The following PCLO variants were observed in gnomAD, a reference collection of about 807,000 sequenced individuals.
The protein encoded by PCLO is piccolo presynaptic cytomatrix protein, also known as protein piccolo.
Under a neutral mutation model 427.5 loss-of-function variants are expected in PCLO, and 82 were observed. The ratio of observed to expected loss-of-function variants is 0.19; its 90% CI spans 0.16 to 0.23. The LOEUF (loss-of-function observed/expected upper bound fraction) is 0.23, where lower values mean the gene tolerates loss of function less well. Among genes scored for constraint, PCLO ranks in the 10% least tolerant of loss-of-function variants. The probability of loss-of-function intolerance (pLI) is 1.00; values close to 1 mark genes in which losing one functional copy is unlikely to be tolerated. For missense variants in PCLO, 6,239 were observed against 6,115.9 expected (o/e 1.02, Z -0.67); for synonymous variants, 2,357 against 2,155.4 (o/e 1.09, Z -2.59).
intron 20 of PCLO, among the ~76,000 whole-genome samples, chr7:82,813,178 C>G (rs566384077): frequency 2.0e-5 from 3 of 151,578 alleles, no homozygotes; most frequent in Non-Finnish European, 4.4e-5. Context: ...TGGTCAATGG[C>G]CACGAAGTAA....
At chr7:82,910,705 T>C (rs926634884) in intron 7 of PCLO, among the ~76,000 whole-genome samples, 2 of 152,148 alleles carry the variant, frequency 1.3e-5, no homozygotes, top group African/African-American at 4.8e-5. Context: ...AAATATTAAT[T>C]TGTCCTTTGA....
intron 3 of PCLO, among the ~76,000 whole-genome samples, chr7:83,007,169 T>C (rs1787966951): frequency 6.6e-6 from 1 of 151,444 alleles, no homozygotes; most frequent in Non-Finnish European, 1.5e-5. Context: ...GTCTTCTCCT[T>C]AGAAACTTAA....
chr7:82,943,409 G>A (rs1224090556), intron 6 of PCLO, among the ~76,000 whole-genome samples: 2 of 152,018 alleles, frequency 1.3e-5, no homozygotes, highest in East Asian at 3.9e-4. Context: ...ACAAAAAGTA[G>A]TGTGTACTAT....
At chr7:83,124,253 C>T (rs1418210740) in intron 3 of PCLO, among the ~76,000 whole-genome samples, 5 of 150,792 alleles carry the variant, frequency 3.3e-5, no homozygotes, top group Non-Finnish European at 7.4e-5. Flanking sequence ...GAAGGCGGAG[C>T]TTGCAGTGAG....
intron 10 of PCLO, among the ~76,000 whole-genome samples, chr7:82,852,134 TACAGA>T (rs1483152205): frequency 6.6e-6 from 1 of 152,086 alleles, no homozygotes; most frequent in African/African-American, 2.4e-5. Context: ...CCTGCTTATT[TACAGA>T]ACAAGGAGAT....
chr7:82,816,142 T>C (rs1477987164), intron 20 of PCLO, among the ~76,000 whole-genome samples: 2 of 152,066 alleles, frequency 1.3e-5, no homozygotes, highest in African/African-American at 2.4e-5. Context: ...CCACGTTTCT[T>C]CCCCCAGATC....
chr7:83,104,456 C>T (rs1461954435), intron 3 of PCLO, among the ~76,000 whole-genome samples: 1 of 151,974 alleles, frequency 6.6e-6, no homozygotes, highest in Non-Finnish European at 1.5e-5. Context: ...CAGTAATACA[C>T]AAACTCCTTC....
intron 6 of PCLO, among the ~76,000 whole-genome samples, chr7:82,938,743 A>T (rs1795013213): frequency 6.6e-6 from 1 of 152,038 alleles, no homozygotes; most frequent in Non-Finnish European, 1.5e-5. Context: ...TAACTTTTAT[A>T]TGGTGCTGTT....
chr7:83,102,643 AATG>A (rs1169534867), intron 3 of PCLO, among the ~76,000 whole-genome samples: 1 of 151,986 alleles, frequency 6.6e-6, no homozygotes, highest in African/African-American at 2.4e-5. Flanking sequence ...TTTATATTAT[AATG>A]ATAATGTAAA....
At chr7:83,025,141 C>A (rs996762867) in intron 3 of PCLO, among the ~76,000 whole-genome samples, 1 of 151,920 alleles carries the variant, frequency 6.6e-6, no homozygotes, top group African/African-American at 2.4e-5. Flanking sequence ...AGGCTTCAGA[C>A]GATCAAATTA....
At chr7:83,028,072 C>T (rs1393349354) in intron 3 of PCLO, among the ~76,000 whole-genome samples, 2 of 150,774 alleles carry the variant, frequency 1.3e-5, no homozygotes, top group African/African-American at 2.4e-5. Flanking sequence ...TCTCTCACCA[C>T]TCCTATTCAA....
chr7:82,762,106 T>C (rs1790443484), intron 22 of PCLO, among the ~76,000 whole-genome samples: 1 of 152,112 alleles, frequency 6.6e-6, no homozygotes, highest in South Asian at 2.1e-4. Flanking sequence ...GCTTATTGGT[T>C]TCATGCTTTT....
chr7:83,125,078 T>C (rs1402245487), intron 3 of PCLO, among the ~76,000 whole-genome samples: 3 of 151,922 alleles, frequency 2.0e-5, no homozygotes, highest in Non-Finnish European at 2.9e-5. Context: ...CAGGCTGGAG[T>C]GCAGTGGCGT....
At position 82,914,804 on chromosome 7, in the gene PCLO, T is replaced by C; in HGVS notation, c.13182A>G (p.Ser4394=). The part of the protein sequence containing the change: ...ISADTRDQFG[S]SHSLPEVQQH... ...GCTGAACTTCAGGCAATGAGTGGCT[T>C]GATCCAAACTGATCCCTGGTGTCTG... The change falls in exon 7 of 25, where the codon TCA becomes TCG. Residue 4394 remains serine, a synonymous_variant. Transcript: ENST00000333891. 1 of 1,613,436 alleles carries C rather than the reference T, an allele frequency of 6.2e-7. No homozygotes were observed. Among genetic ancestry groups the C allele is most frequent in the Non-Finnish European group, 8.5e-7 (1 of 1,179,668 alleles).
intron 3 of PCLO, among the ~76,000 whole-genome samples, chr7:83,069,268 A>G (rs988016495): frequency 1.3e-5 from 2 of 152,174 alleles, no homozygotes; most frequent in Non-Finnish European, 2.9e-5. Flanking sequence ...GGCCTGCAGA[A>G]CTGGCGTATA....
Position 83,148,197 on chromosome 7 carries a change from G to A in PCLO, c.1893+6551C>T, listed in dbSNP as rs147748637. 3.3e-3 allele frequency among the ~76,000 whole-genome samples: 500 copies of A among 152,140 alleles called. 5 individuals carry two copies. Among genetic ancestry groups the A allele is most frequent in the Non-Finnish European group, 5.3e-3 (361 of 67,996 alleles). ...CACAGCCTCAGTTAGGACTACAGCC[G>A]ATTAGAATTTTAGTCACCATTAAAA... On this transcript the variant is annotated intron_variant, in intron 2 of 24. Coordinates refer to ENST00000333891, the MANE Select transcript of PCLO (RefSeq NM_033026.6).
intron 22 of PCLO, among the ~76,000 whole-genome samples, chr7:82,789,514 T>C (rs1348641383): frequency 1.3e-5 from 2 of 152,144 alleles, no homozygotes; most frequent in Admixed American, 6.5e-5. Flanking sequence ...GAGACCAGCC[T>C]GGCCAACATG....
intron 10 of PCLO, among the ~76,000 whole-genome samples, chr7:82,861,265 T>C (rs1792947945): frequency 6.6e-6 from 1 of 151,984 alleles, no homozygotes; most frequent in Non-Finnish European, 1.5e-5. Flanking sequence ...GGGATGAAGA[T>C]ATTTCATGCC....
intron 20 of PCLO, among the ~76,000 whole-genome samples, chr7:82,814,393 G>A (rs1791634341): frequency 6.6e-6 from 1 of 151,388 alleles, no homozygotes; most frequent in Non-Finnish European, 1.5e-5. Flanking sequence ...TTCAGTCTTT[G>A]ACTATTGTAA....
Sources: gnomAD v4.1 joint callset for allele counts (sites outside exome capture counted in the v4.1 genomes callset) on GRCh38, gnomAD v4.1.1 for gene constraint, MANE v1.5 for transcripts, NCBI Gene and HGNC (gene_info 2026-07-23, HGNC 2026-07-21) for gene names.